The following INSL6 variants were observed in gnomAD, a reference collection of about 807,000 sequenced individuals.
INSL6 encodes insulin-like peptide INSL6.
INSL6 carries 16 observed loss-of-function variants against 9.4 expected under a neutral mutation model. The observed-to-expected ratio is 1.70, with a 90% CI of 1.15 to 2.59. The LOEUF (loss-of-function observed/expected upper bound fraction) is 2.59. Among genes scored for constraint, INSL6 ranks in the 30% most tolerant of loss-of-function variants. The pLI is 0.00. For synonymous variants in INSL6, 154 were observed against 96.9 expected (o/e 1.59, Z -3.46); for missense variants, 391 against 257.3 (o/e 1.52, Z -3.56).
chr9:4,993,530 G>A, the INSL6 span, among the ~76,000 whole-genome samples: 1 of 152,218 alleles, frequency 6.6e-6, no homozygotes, highest in Non-Finnish European at 1.5e-5. Flanking sequence ...GGTCAGGTAT[G>A]TATTTTATTT....
At chr9:5,153,435 C>G (rs149970701) in intron 2 of INSL6, among the ~76,000 whole-genome samples, 1 of 152,296 alleles carries the variant, frequency 6.6e-6, no homozygotes, top group East Asian at 1.9e-4. Flanking sequence ...GAAGTTTGAA[C>G]AGGGTGGAGC....
At chr9:5,082,886 AC>A in the INSL6 span, among the ~76,000 whole-genome samples, 2 of 152,220 alleles carry the variant, frequency 1.3e-5, no homozygotes, top group Non-Finnish European at 2.9e-5. Context: ...TTACAGATTA[AC>A]AGCATCTCAG....
intron 1 of INSL6, among the ~76,000 whole-genome samples, chr9:5,167,315 T>A (rs1056048120): frequency 6.6e-6 from 1 of 152,216 alleles, no homozygotes; most frequent in Non-Finnish European, 1.5e-5. Context: ...CATTAAGCTA[T>A]GCAGACTGAT....
rs761107037 is a variant in INSL6 at position 5,163,935 on chromosome 9, G to A, written c.620C>T (p.Ser207Leu). ...DFKRLKEKRS[S>L]LVTKIY ...TGGTTAGTATATCTTAGTTACAAGT[G>A]ATGATCTTTTTTCCTTTAGCCTTTT... is the stretch of plus-strand genomic sequence containing the variant. Residue 207 changes from serine to leucine, a missense_variant, in exon 2 of 2, where the codon TCA becomes TTA. Ser to Leu is a moderately radical substitution (Grantham distance 145). Transcript: ENST00000381641. 2.5e-6 allele frequency: 4 copies of A among 1,601,942 alleles called. No individual in the cohort carries two copies. Among genetic ancestry groups the A allele is most frequent in the Non-Finnish European group, 2.6e-6 (3 of 1,175,170 alleles).
chr9:5,069,905 T>C, the INSL6 span: 1 of 1,522,890 alleles, frequency 6.6e-7, no homozygotes, highest in East Asian at 2.3e-5. Flanking sequence ...AAGTGATATA[T>C]ATGTATTTTA....
At chr9:5,069,977 C>G in the INSL6 span, 1 of 1,607,172 alleles carries the variant, frequency 6.2e-7, no homozygotes, top group Non-Finnish European at 8.5e-7. Context: ...ATGTACCAAC[C>G]TCACCAACAT....
At chr9:5,043,217 G>A in the INSL6 span, among the ~76,000 whole-genome samples, 1 of 152,214 alleles carries the variant, frequency 6.6e-6, no homozygotes, top group Non-Finnish European at 1.5e-5. Context: ...TGCCCAGGGC[G>A]GTGGCCGTGA....
the INSL6 span, among the ~76,000 whole-genome samples, chr9:4,993,607 T>C: frequency 2.0e-5 from 3 of 152,210 alleles, no homozygotes; most frequent in South Asian, 2.1e-4. Context: ...TGTCCTCTTA[T>C]TCAGCTTTCA....
At chr9:5,003,106 C>T in the INSL6 span, among the ~76,000 whole-genome samples, 2 of 151,858 alleles carry the variant, frequency 1.3e-5, no homozygotes, top group African/African-American at 4.8e-5. Context: ...CATTTTTGTG[C>T]TAATACCAAT....
chr9:5,066,095 A>T, the INSL6 span, among the ~76,000 whole-genome samples: 3 of 152,168 alleles, frequency 2.0e-5, no homozygotes, highest in Admixed American at 2.0e-4. Context: ...TATATTAGAA[A>T]TATGGTGATA....
At chr9:5,151,644 G>T (rs188719843) in intron 2 of INSL6, among the ~76,000 whole-genome samples, 1 of 151,882 alleles carries the variant, frequency 6.6e-6, no homozygotes, top group South Asian at 2.1e-4. Context: ...CACCAAAAAC[G>T]AAAGTTTAAA....
At chr9:5,040,388 A>G in the INSL6 span, among the ~76,000 whole-genome samples, 1 of 152,202 alleles carries the variant, frequency 6.6e-6, no homozygotes, top group East Asian at 1.9e-4. Flanking sequence ...GTGTACTTAG[A>G]TTAGGCAGTG....
At chr9:5,070,794 C>T in the INSL6 span, among the ~76,000 whole-genome samples, 1 of 151,980 alleles carries the variant, frequency 6.6e-6, no homozygotes, top group Non-Finnish European at 1.5e-5. Flanking sequence ...TACATAAGAT[C>T]TGATAATCTG....
chr9:5,135,731 A>G (rs1824376853), intron 2 of INSL6, among the ~76,000 whole-genome samples: 1 of 152,192 alleles, frequency 6.6e-6, no homozygotes, highest in African/African-American at 2.4e-5. Flanking sequence ...ACAAGAGCAA[A>G]CAAATTTAAA....
the INSL6 span, chr9:5,085,006 TTG>T: frequency 1.2e-6 from 1 of 851,324 alleles, no homozygotes; most frequent in Non-Finnish European, 1.9e-6. Flanking sequence ...CATTTATGTC[TTG>T]TGAGTACAAT....
chr9:5,022,743 C>T, the INSL6 span, among the ~76,000 whole-genome samples: 1 of 152,088 alleles, frequency 6.6e-6, no homozygotes, highest in Non-Finnish European at 1.5e-5. Flanking sequence ...AAACTGTGAA[C>T]CAGAGAACTC....
the INSL6 span, chr9:5,111,180 A>G: frequency 1.2e-4 from 84 of 706,736 alleles, no homozygotes; most frequent in Non-Finnish European, 1.9e-4. Flanking sequence ...GCCACTCTCC[A>G]TTCACATTCC....
intron 3 of INSL6, chr9:5,132,669 C>T (rs1268606970): frequency 6.6e-6 from 1 of 152,088 alleles, no homozygotes; most frequent in African/African-American, 2.4e-5. Flanking sequence ...TCAGATAACT[C>T]ATATTAATGG....
At chr9:5,051,618 T>C in the INSL6 span, among the ~76,000 whole-genome samples, 1 of 152,160 alleles carries the variant, frequency 6.6e-6, no homozygotes, top group Non-Finnish European at 1.5e-5. Context: ...ATGGCTAATA[T>C]AAAACTGCTT....
Sources: allele counts gnomAD v4.1 joint callset (sites outside exome capture counted in the v4.1 genomes callset), GRCh38; gene constraint gnomAD v4.1.1; transcripts MANE v1.5; gene names NCBI Gene and HGNC (gene_info 2026-07-23, HGNC 2026-07-21).